Variants in ADGRF5 observed in about 807,000 individuals in gnomAD.
The protein encoded by ADGRF5 is adhesion G protein-coupled receptor F5, also known as G-protein coupled receptor 116.
ADGRF5 carries 75 observed loss-of-function variants against 132.3 expected under a neutral mutation model. The observed-to-expected ratio is 0.57, with a 90% CI of 0.47 to 0.69. The LOEUF (loss-of-function observed/expected upper bound fraction) is 0.69. Ranked by LOEUF, ADGRF5 falls within the 30% of genes least tolerant of loss-of-function variation. The pLI is 0.00. For missense variants in ADGRF5, 1,516 were observed against 1,630.6 expected (o/e 0.93, Z 1.21); for synonymous variants, 629 against 597.6 (o/e 1.05, Z -0.77).
At chr6:46,945,808 C>T (rs755335734) in intron 1 of ADGRF5, among the ~76,000 whole-genome samples, 1 of 152,184 alleles carries the variant, frequency 6.6e-6, no homozygotes, top group Non-Finnish European at 1.5e-5. Flanking sequence ...TTCCACATGG[C>T]TGGGGAGGCC....
chr6:46,931,439 G>A (rs1016494985), intron 1 of ADGRF5, among the ~76,000 whole-genome samples: 1 of 152,186 alleles, frequency 6.6e-6, no homozygotes, highest in Admixed American at 6.5e-5. Context: ...TCAGTCTCCA[G>A]GTTGCCATAA....
At chr6:46,941,395 AG>A (rs1366079294) in intron 1 of ADGRF5, among the ~76,000 whole-genome samples, 1 of 20,894 alleles carries the variant, frequency 4.8e-5, no homozygotes, top group Non-Finnish European at 8.2e-5. Context: ...AACAAAGAAA[AG>A]AAAAGAAAAG....
intron 4 of ADGRF5, among the ~76,000 whole-genome samples, chr6:46,885,926 T>C (rs981674897): frequency 3.3e-5 from 5 of 152,194 alleles, no homozygotes; most frequent in Non-Finnish European, 5.9e-5. Flanking sequence ...AGATAATAAC[T>C]GTTTGTTATT....
intron 1 of ADGRF5, among the ~76,000 whole-genome samples, chr6:46,937,796 G>A (rs1334338813): frequency 6.6e-6 from 1 of 152,162 alleles, no homozygotes; most frequent in African/African-American, 2.4e-5. Flanking sequence ...CAGTCGATTT[G>A]ATAACTGAGA....
At chr6:46,899,314 G>A (rs1359829526) in intron 3 of ADGRF5, among the ~76,000 whole-genome samples, 1 of 152,058 alleles carries the variant, frequency 6.6e-6, no homozygotes, top group Admixed American at 6.5e-5. Flanking sequence ...TAGTTCCAAG[G>A]CCAAGGGAGC....
intron 1 of ADGRF5, among the ~76,000 whole-genome samples, chr6:46,938,207 G>A (rs573418264): frequency 2.0e-5 from 3 of 152,162 alleles, no homozygotes; most frequent in Non-Finnish European, 4.4e-5. Context: ...TTTGCTAGAA[G>A]AATAACATTC....
At chr6:46,931,155 G>A (rs1043421167) in intron 1 of ADGRF5, among the ~76,000 whole-genome samples, 1 of 152,144 alleles carries the variant, frequency 6.6e-6, no homozygotes, top group Non-Finnish European at 1.5e-5. Flanking sequence ...AGGATGATAG[G>A]CCTGCCCCTT....
intron 1 of ADGRF5, among the ~76,000 whole-genome samples, chr6:46,935,431 G>A (rs1434923155): frequency 6.6e-6 from 1 of 152,200 alleles, no homozygotes; most frequent in African/African-American, 2.4e-5. Flanking sequence ...GGATTCCAGA[G>A]TGTCTCTTGT....
At position 46,882,050 on chromosome 6, in the gene ADGRF5, T is replaced by C; in HGVS notation, c.670A>G (p.Lys224Glu). The C allele has an allele frequency of 6.2e-7, 1 of 1,602,964 alleles. No homozygotes were observed. Among genetic ancestry groups the C allele is most frequent in the Non-Finnish European group, 8.5e-7 (1 of 1,169,786 alleles). ...GFKGVTVTGF[K>E]SGSVVVTYEV... Reference sequence around the variant, plus strand: ...ATGATCAAATTAAAGTATTCTTACTTGAACCCTGTCACAGTCACGCCCTTG... The same window carrying C: ...ATGATCAAATTAAAGTATTCTTACTCGAACCCTGTCACAGTCACGCCCTTG... Residue 224 changes from lysine (K) to glutamate (E), a missense_variant and splice_region_variant, in exon 7 of 21, where the codon AAG becomes GAG. By Grantham distance (56) the Lys-to-Glu change is moderately conservative. Coordinates refer to ENST00000283296, the MANE Select transcript of ADGRF5 (RefSeq NM_001098518.2).
chr6:46,931,161 C>G (rs558737067), intron 1 of ADGRF5, among the ~76,000 whole-genome samples: 1 of 152,206 alleles, frequency 6.6e-6, no homozygotes, highest in Non-Finnish European at 1.5e-5. Context: ...ATAGGCCTGC[C>G]CCTTCTTCCA....
At chr6:46,914,126 C>A (rs1002058626) in intron 1 of ADGRF5, among the ~76,000 whole-genome samples, 5 of 152,150 alleles carry the variant, frequency 3.3e-5, no homozygotes, top group Admixed American at 2.6e-4. Context: ...GATGGCAATG[C>A]CAACTTTCAG....
rs561363773 is a variant in ADGRF5 at position 46,888,487 on chromosome 6, G to A, written c.176C>T (p.Thr59Met). ...AATATTAACAGTGTATTCTTCAGCC[G>A]TAGGACTTTTTGTGGCAACTGCAAT... ...QKRAVATKSP[T>M]AEEYTVNIEI... The change falls in exon 4 of 21, where the codon ACG becomes ATG. Residue 59 changes from threonine (T) to methionine (M), a missense_variant. This residue lies in a region of ADGRF5 where 945 missense variants were observed against 929.4 expected (regional missense o/e 1.02). Transcript: ENST00000283296. 7.4e-5 allele frequency: 120 copies of A among 1,612,666 alleles called. No homozygotes were observed. Among genetic ancestry groups the A allele is most frequent in the Middle Eastern group, 1.6e-4 (1 of 6,078 alleles).
rs200248669 is a variant in ADGRF5 at position 46,859,358 on chromosome 6, T to C, written c.2545A>G (p.Thr849Ala). Reference sequence around the variant, plus strand: ...ACCATGCTGCTCATCTGCACATTAGTTTGGGAGAAGGACAAAGGAGGGCTA... The same window carrying C: ...ACCATGCTGCTCATCTGCACATTAGCTTGGGAGAAGGACAAAGGAGGGCTA... ...GDSPPLSFSQTNVQMSSMVIK... is the reference protein window; with the variant it reads ...GDSPPLSFSQANVQMSSMVIK... The change falls in exon 17 of 21, where the codon ACT (threonine) becomes GCT (alanine). Residue 849 changes from threonine to alanine, a missense_variant. Transcript: ENST00000283296. 57 of 1,613,876 alleles carry C rather than the reference T, an allele frequency of 3.5e-5. No individual in the cohort carries two copies. In the East Asian group the frequency reaches 6.7e-4, roughly 19 times the overall value.
At chr6:46,858,033 A>C (rs1447175674) in intron 17 of ADGRF5, 96 bp downstream of exon 17, 7 of 905,806 alleles carry the variant, frequency 7.7e-6, no homozygotes, top group Non-Finnish European at 1.2e-5. Context: ...CTCTGGGCTG[A>C]AATCCTTCCC....
chr6:46,938,876 ATT>A (rs34685701), intron 1 of ADGRF5, among the ~76,000 whole-genome samples: 26,450 of 147,076 alleles, frequency 0.18, 2,635 homozygotes, highest in African/African-American at 0.26. Context: ...TACTTTTCTG[ATT>A]TTTTTTTTTT....
At chr6:46,932,750 T>A (rs1777615531) in intron 1 of ADGRF5, among the ~76,000 whole-genome samples, 1 of 152,220 alleles carries the variant, frequency 6.6e-6, no homozygotes, top group African/African-American at 2.4e-5. Flanking sequence ...CAAATATTCA[T>A]CCCACCTCCC....
chr6:46,924,822 C>T (rs919420442), upstream of ADGRF5, among the ~76,000 whole-genome samples: 1 of 152,202 alleles, frequency 6.6e-6, no homozygotes, highest in Admixed American at 6.5e-5. Flanking sequence ...TCCTACCTTG[C>T]ACACTTTACA....
At position 46,866,697 on chromosome 6, in the gene ADGRF5, A is replaced by G. The variant is rs202089959; in HGVS notation, c.1834+228T>C. Among the ~76,000 whole-genome samples, 12 of 151,964 alleles carry G rather than the reference A, an allele frequency of 7.9e-5. 1 individual carries two copies. In the East Asian group the frequency reaches 2.3e-3, roughly 29 times the overall value. ...TCAATACTTTCTTCAACTTCTCCCAATTAAAAAAAAAGGCTCCACCATTGC... is the reference window on the plus strand; with the variant it reads ...TCAATACTTTCTTCAACTTCTCCCAGTTAAAAAAAAAGGCTCCACCATTGC... On this transcript the variant is annotated intron_variant, in intron 13 of 20. Coordinates refer to ENST00000283296, the MANE Select transcript of ADGRF5 (RefSeq NM_001098518.2).
At position 46,863,088 on chromosome 6, in the gene ADGRF5, TG is replaced by T. The variant is rs746849888; in HGVS notation, c.1998del (p.Asn666LysfsTer8). On this transcript the variant is annotated frameshift_variant, in exon 15 of 21. Transcript: ENST00000283296. LOFTEE classifies it high-confidence loss of function. Reference sequence around the variant, plus strand: ...CCTATTACGGGATCCTGGCATGTGATGTTTTCCCCTGTGTTGGAAACATTGA... The same window carrying T: ...CCTATTACGGGATCCTGGCATGTGATTTTTCCCCTGTGTTGGAAACATTGA... ...SMKLNLVPGE[N>X]ITCQDPVIGV... The T allele has an allele frequency of 6.2e-7, 1 of 1,612,314 alleles. No homozygotes were observed. Among genetic ancestry groups the T allele is most frequent in the African/African-American group, 1.3e-5 (1 of 75,004 alleles).
Sources: gnomAD v4.1 joint callset for allele counts (sites outside exome capture counted in the v4.1 genomes callset) on GRCh38, gnomAD v4.1.1 for gene constraint, gnomAD v4.1.1 regional missense constraint, MANE v1.5 for transcripts, NCBI Gene and HGNC (gene_info 2026-07-23, HGNC 2026-07-21) for gene names.